Variants in TDP1 observed in about 807,000 individuals in gnomAD.
TDP1 encodes tyrosyl-DNA phosphodiesterase 1, also known as tyr-DNA phosphodiesterase 1.
A neutral mutation model predicts 81.5 loss-of-function variants in TDP1; 64 were observed. The ratio of observed to expected loss-of-function variants is 0.79; its 90% CI spans 0.64 to 0.97. The LOEUF (loss-of-function observed/expected upper bound fraction) is 0.97. Among genes scored for constraint, TDP1 ranks in the 50% least tolerant of loss-of-function variants. The pLI is 0.00. For synonymous variants in TDP1, 256 were observed against 264.3 expected (o/e 0.97, Z 0.30); for missense variants, 723 against 743.8 (o/e 0.97, Z 0.33).
chr14:90,011,678 A>T (rs963220523), intron 14 of TDP1, among the ~76,000 whole-genome samples: 6 of 152,202 alleles, frequency 3.9e-5, no homozygotes, highest in Non-Finnish European at 7.3e-5. Context: ...CTTGAGAAAG[A>T]TAATATAGGG....
At chr14:89,976,287 CAG>C (rs1479569735) in intron 7 of TDP1, among the ~76,000 whole-genome samples, 3 of 151,292 alleles carry the variant, frequency 2.0e-5, no homozygotes, top group African/African-American at 4.9e-5. Flanking sequence ...TTTGTAGAGA[CAG>C]GGGTCTCACT....
At chr14:89,992,064 T>A (rs1036215077) in intron 13 of TDP1, 81 bp downstream of exon 13, 65 of 1,112,108 alleles carry the variant, frequency 5.8e-5, no homozygotes, top group Middle Eastern at 2.1e-4. Context: ...TTTTTTTTTT[T>A]AAAAGGAACT....
chr14:89,965,825 G>T, intron 3 of TDP1: 1 of 984,914 alleles, frequency 1.0e-6, no homozygotes, highest in Non-Finnish European at 1.2e-6. Context: ...CTTGGAGGAG[G>T]TAGAAGTTCA....
chr14:90,023,642 G>A (rs1886335837), intron 15 of TDP1, among the ~76,000 whole-genome samples: 1 of 152,166 alleles, frequency 6.6e-6, no homozygotes, highest in Admixed American at 6.5e-5. Flanking sequence ...TAACAAACCT[G>A]ATTATTAATG....
intron 15 of TDP1, among the ~76,000 whole-genome samples, chr14:90,032,299 A>G (rs565974308): frequency 6.6e-6 from 1 of 152,288 alleles, no homozygotes; most frequent in East Asian, 1.9e-4. Context: ...TTCCTAAGAC[A>G]TCAGCACTGT....
chr14:90,013,311 T>C lies in TDP1; in HGVS notation c.1542-6005T>C, dbSNP rs185032898. ...CTGTGTCCTCACCCAAATGTCATCT[T>C]GAACTGTAGCTTCCATAATTCCCAT... On this transcript the variant is annotated intron_variant, in intron 14 of 16. Transcript: ENST00000335725. 1.5e-3 allele frequency among the ~76,000 whole-genome samples: 226 copies of C among 152,302 alleles called. 1 individual carries two copies. Among genetic ancestry groups the C allele is most frequent in the African/African-American group, 5.1e-3 (213 of 41,572 alleles).
At chr14:89,987,505 G>A (rs1465823401) in intron 10 of TDP1, among the ~76,000 whole-genome samples, 1 of 152,144 alleles carries the variant, frequency 6.6e-6, no homozygotes, top group East Asian at 1.9e-4. Flanking sequence ...CTTTTAAAAG[G>A]GGCCTAGCAT....
intron 14 of TDP1, among the ~76,000 whole-genome samples, chr14:90,012,496 A>G (rs1267987049): frequency 6.6e-6 from 1 of 151,196 alleles, no homozygotes; most frequent in East Asian, 2.0e-4. Flanking sequence ...CCCTGGAGCA[A>G]ACTTTTGCCT....
intron 14 of TDP1, among the ~76,000 whole-genome samples, chr14:90,002,071 A>G (rs1897237253): frequency 6.6e-6 from 1 of 152,122 alleles, no homozygotes; most frequent in African/African-American, 2.4e-5. Flanking sequence ...TTTTTTTCCA[A>G]TAGGTAACAT....
intron 11 of TDP1, chr14:89,989,335 A>G: frequency 2.0e-6 from 2 of 985,414 alleles, no homozygotes; most frequent in Non-Finnish European, 2.4e-6. Flanking sequence ...TTGCAGACAC[A>G]GACTGGCCTG....
At chr14:90,008,019 G>A (rs1368965367) in intron 14 of TDP1, among the ~76,000 whole-genome samples, 1 of 152,150 alleles carries the variant, frequency 6.6e-6, no homozygotes, top group Non-Finnish European at 1.5e-5. Context: ...CTGTTTTTAA[G>A]ATTTTCTTTA....
At chr14:89,992,821 T>C (rs538367992) in intron 13 of TDP1, among the ~76,000 whole-genome samples, 3 of 152,354 alleles carry the variant, frequency 2.0e-5, no homozygotes, top group East Asian at 3.9e-4. Context: ...CTTCATGATA[T>C]AGGTTCCCAT....
At chr14:90,034,277 G>C (rs1282069705) in intron 16 of TDP1, among the ~76,000 whole-genome samples, 4 of 152,262 alleles carry the variant, frequency 2.6e-5, no homozygotes, top group South Asian at 2.1e-4. Flanking sequence ...AACAAATGAT[G>C]GCTTAATACT....
intron 10 of TDP1, chr14:89,988,589 T>C: frequency 1.0e-6 from 1 of 980,932 alleles, no homozygotes; most frequent in South Asian, 4.7e-5. Flanking sequence ...TCTAATTTCA[T>C]ATGACAAGTT....
At chr14:90,007,801 C>G (rs1884223738) in intron 14 of TDP1, among the ~76,000 whole-genome samples, 1 of 151,784 alleles carries the variant, frequency 6.6e-6, no homozygotes, top group Admixed American at 6.6e-5. Flanking sequence ...TGGGGTCTCA[C>G]TATGTTGCTG....
rs1413468909 is a variant in TDP1 at position 90,043,605 on chromosome 14, A to G, written c.*462A>G. 5.4e-6 allele frequency: 1 copy of G among 184,530 alleles called. No individual in the cohort carries two copies. The highest frequency in any genetic ancestry group is 5.5e-5 in the Admixed American group (1 of 18,114). The allele number at this position is 184,530 out of a possible 1,614,324, so 11.4% of individuals were successfully genotyped here. A position where few individuals can be genotyped will look rare whatever the true frequency, so the allele number is the denominator to read the frequency against. Reference sequence around the variant, plus strand: ...TTTATATGATATTTTGAGTAATTTTATGCATGAAACAAAGTTTTGACAGGC... The same window carrying G: ...TTTATATGATATTTTGAGTAATTTTGTGCATGAAACAAAGTTTTGACAGGC... On this transcript the variant is annotated 3_prime_UTR_variant, in exon 17 of 17. Transcript: ENST00000335725.
chr14:89,990,538 G>A (rs1048452853), intron 12 of TDP1, among the ~76,000 whole-genome samples: 6 of 131,478 alleles, frequency 4.6e-5, no homozygotes, highest in Non-Finnish European at 9.6e-5. Context: ...CGTTTGGAGT[G>A]TATTAGCCCT....
intron 14 of TDP1, among the ~76,000 whole-genome samples, chr14:90,007,116 T>TC (rs1345174535): frequency 6.6e-6 from 1 of 152,244 alleles, no homozygotes; most frequent in Non-Finnish European, 1.5e-5. Context: ...ATTTCTTTGT[T>TC]CTTTTTCTTC....
chr14:89,965,050 CT>C, intron 3 of TDP1: 1 of 175,248 alleles, frequency 5.7e-6, no homozygotes, highest in South Asian at 1.0e-4. Context: ...TTCAAAAGGC[CT>C]TTGAAAGATG....
Sources: allele counts gnomAD v4.1 joint callset (sites outside exome capture counted in the v4.1 genomes callset), GRCh38; gene constraint gnomAD v4.1.1; transcripts MANE v1.5; gene names NCBI Gene and HGNC (gene_info 2026-07-23, HGNC 2026-07-21).